NTRK2: variants seen among roughly 807,000 people sequenced by gnomAD.
NTRK2 encodes BDNF/NT-3 growth factors receptor.
In NTRK2, 13 loss-of-function variants were observed where a neutral mutation model predicts 94.5. The ratio of observed to expected loss-of-function variants is 0.14; its 90% CI spans 0.09 to 0.22. The LOEUF (loss-of-function observed/expected upper bound fraction) is 0.22. Among genes scored for constraint, NTRK2 ranks in the 10% least tolerant of loss-of-function variants. The probability of loss-of-function intolerance (pLI) is 1.00; values close to 1 mark genes in which losing one functional copy is unlikely to be tolerated. For missense variants in NTRK2, 639 were observed against 1,071.2 expected (o/e 0.60, Z 5.63); for synonymous variants, 372 against 407.4 (o/e 0.91, Z 1.05).
intron 15 of NTRK2, among the ~76,000 whole-genome samples, chr9:84,946,513 A>G (rs1468027942): frequency 6.6e-6 from 1 of 152,220 alleles, no homozygotes; most frequent in Admixed American, 6.5e-5. Context: ...TGATAGAGGT[A>G]AGCATGAGGT....
chr9:85,012,669 G>A (rs926083456), intron 17 of NTRK2, among the ~76,000 whole-genome samples: 1 of 152,038 alleles, frequency 6.6e-6, no homozygotes, highest in African/African-American at 2.4e-5. Flanking sequence ...CAAACCTGAG[G>A]TATAATTATT....
chr9:84,863,416 G>A (rs1011581729), intron 13 of NTRK2, among the ~76,000 whole-genome samples: 14 of 152,082 alleles, frequency 9.2e-5, no homozygotes, highest in African/African-American at 1.2e-4. Flanking sequence ...CACCTACCTC[G>A]CCATTTAAAA....
chr9:84,876,130 T>A, intron 14 of NTRK2: 2 of 1,038,786 alleles, frequency 1.9e-6, no homozygotes, highest in Non-Finnish European at 2.3e-6. Context: ...TTTGGGTGCA[T>A]TAAAGTGGAA....
intron 17 of NTRK2, among the ~76,000 whole-genome samples, chr9:84,993,848 A>G (rs1564533080): frequency 6.6e-6 from 1 of 152,080 alleles, no homozygotes; most frequent in Non-Finnish European, 1.5e-5. Flanking sequence ...CTACATCTAG[A>G]TGATTTTTCC....
intron 14 of NTRK2, among the ~76,000 whole-genome samples, chr9:84,892,806 C>A (rs1300394155): frequency 1.3e-5 from 2 of 152,024 alleles, no homozygotes; most frequent in African/African-American, 4.8e-5. Context: ...CCTGTAATCC[C>A]AGCTACTCGG....
chr9:84,846,734 G>A (rs1019280534), intron 12 of NTRK2, among the ~76,000 whole-genome samples: 4 of 152,208 alleles, frequency 2.6e-5, no homozygotes, highest in African/African-American at 9.6e-5. Context: ...AATAGTGATA[G>A]CCAATAAATT....
In NTRK2 at chr9:85,001,397, C is replaced by T. The variant is rs556656188; in HGVS notation, c.2173-18809C>T. Among the ~76,000 whole-genome samples the T allele has an allele frequency of 5.3e-5, 8 of 152,294 alleles. No homozygotes were observed. In the East Asian group the frequency reaches 7.7e-4, roughly 15 times the overall value. ...TTTGCCTTTTCAGATGATGGGCAAG[C>T]GATCTCTGCCACTGGTCCTCTCAGC... On this transcript the variant is annotated intron_variant, in intron 17 of 18. Coordinates refer to ENST00000277120, the MANE Select transcript of NTRK2 (RefSeq NM_006180.6).
chr9:84,691,814 C>G (rs1049831526), intron 2 of NTRK2, among the ~76,000 whole-genome samples: 1 of 152,054 alleles, frequency 6.6e-6, no homozygotes, highest in Non-Finnish European at 1.5e-5. Context: ...TGTGACCAGA[C>G]GGCCTCCCCA....
At chr9:84,806,556 G>A (rs2071138388) in intron 12 of NTRK2, among the ~76,000 whole-genome samples, 1 of 152,148 alleles carries the variant, frequency 6.6e-6, no homozygotes, top group African/African-American at 2.4e-5. Flanking sequence ...GCCAAAGAGG[G>A]ACTGACAATT....
At chr9:84,886,560 C>T (rs1187258502) in intron 14 of NTRK2, among the ~76,000 whole-genome samples, 2 of 152,194 alleles carry the variant, frequency 1.3e-5, no homozygotes, top group African/African-American at 2.4e-5. Flanking sequence ...TTTGTCTTAG[C>T]GACACAGGCA....
chr9:84,692,250 C>T (rs2060092222), intron 2 of NTRK2, among the ~76,000 whole-genome samples: 1 of 152,030 alleles, frequency 6.6e-6, no homozygotes, highest in South Asian at 2.1e-4. Flanking sequence ...GAAAAAAACC[C>T]ATCCCTTGCT....
intron 12 of NTRK2, among the ~76,000 whole-genome samples, chr9:84,847,868 A>G (rs1003252176): frequency 7.9e-5 from 12 of 152,146 alleles, no homozygotes; most frequent in African/African-American, 2.7e-4. Context: ...CAAATAAACT[A>G]TATTAGTCTG....
intron 14 of NTRK2, among the ~76,000 whole-genome samples, chr9:84,889,816 G>A (rs898601350): frequency 2.0e-5 from 3 of 152,156 alleles, no homozygotes; most frequent in African/African-American, 7.2e-5. Flanking sequence ...AGAAAAAATT[G>A]TCCTGACACC....
intron 17 of NTRK2, among the ~76,000 whole-genome samples, chr9:84,963,702 A>C (rs958762921): frequency 5.3e-5 from 8 of 151,916 alleles, no homozygotes; most frequent in African/African-American, 1.7e-4. Context: ...TTTCCCACCA[A>C]CCCCCTATGG....
intron 14 of NTRK2, among the ~76,000 whole-genome samples, chr9:84,922,025 A>AT (rs765599042): frequency 1.7e-4 from 26 of 152,116 alleles, no homozygotes; most frequent in South Asian, 4.1e-4. Flanking sequence ...AAATCTATGG[A>AT]TTTTTTTCCC....
At chr9:84,774,787 A>G (rs2066873607) in intron 12 of NTRK2, among the ~76,000 whole-genome samples, 1 of 152,238 alleles carries the variant, frequency 6.6e-6, no homozygotes, top group South Asian at 2.1e-4. Flanking sequence ...TTTTCAAAAG[A>G]AATAGTCACT....
intron 8 of NTRK2, among the ~76,000 whole-genome samples, chr9:84,726,379 C>T (rs974338656): frequency 7.9e-5 from 12 of 152,078 alleles, no homozygotes; most frequent in Admixed American, 4.6e-4. Context: ...CCAAGCTACT[C>T]GGAAGGCTGA....
At position 84,735,356 on chromosome 9, in the gene NTRK2, G is replaced by T. The variant is rs573207325; in HGVS notation, c.1160-6536G>T. Among the ~76,000 whole-genome samples the T allele has an allele frequency of 3.3e-5, 5 of 152,238 alleles. No individual in the cohort carries two copies. In the South Asian group the frequency reaches 1.0e-3, roughly 32 times the overall value. ...TTAAAATGAAGATTATGATTCAATG[G>T]ATTTGAAAATGGGCCAAACTAATGT... On this transcript the variant is annotated intron_variant, in intron 9 of 18. Transcript: ENST00000277120.
At chr9:84,936,288 G>A (rs1469586591) in intron 15 of NTRK2, among the ~76,000 whole-genome samples, 3 of 152,156 alleles carry the variant, frequency 2.0e-5, no homozygotes, top group East Asian at 1.9e-4. Flanking sequence ...AGTGTGTTGC[G>A]TAGCTGAATC....
Sources: gnomAD v4.1 joint callset for allele counts (sites outside exome capture counted in the v4.1 genomes callset) on GRCh38, gnomAD v4.1.1 for gene constraint, MANE v1.5 for transcripts, NCBI Gene and HGNC (gene_info 2026-07-23, HGNC 2026-07-21) for gene names.